RYR3: variants seen among roughly 807,000 people sequenced by gnomAD.
The protein encoded by RYR3 is ryanodine receptor 3, also known as brain ryanodine receptor-calcium release channel.
A neutral mutation model predicts 584.3 loss-of-function variants in RYR3; 207 were observed. The observed-to-expected ratio is 0.35, with a 90% CI of 0.32 to 0.40. The LOEUF is 0.40. Ranked by LOEUF, RYR3 falls within the 10% of genes least tolerant of loss-of-function variation. The probability of loss-of-function intolerance (pLI) is 1.00; values close to 1 mark genes in which losing one functional copy is unlikely to be tolerated. For missense variants in RYR3, 5,616 were observed against 6,089.2 expected (o/e 0.92, Z 2.59); for synonymous variants, 2,416 against 2,248.5 (o/e 1.07, Z -2.11).
intron 2 of RYR3, among the ~76,000 whole-genome samples, chr15:33,478,498 G>C (rs8034738): frequency 5.9e-5 from 9 of 152,176 alleles, no homozygotes; most frequent in Middle Eastern, 6.8e-3. Flanking sequence ...AATACGTATT[G>C]ATAGTCTTCC....
chr15:33,492,720 A>T (rs906529464), intron 2 of RYR3, among the ~76,000 whole-genome samples: 1 of 152,140 alleles, frequency 6.6e-6, no homozygotes, highest in Admixed American at 6.6e-5. Flanking sequence ...GTGATAAATG[A>T]TGCTGATGCC....
intron 49 of RYR3, 51 bp downstream of exon 49, chr15:33,736,376 C>A: frequency 2.3e-6 from 3 of 1,280,294 alleles, no homozygotes; most frequent in Non-Finnish European, 2.2e-6. Context: ...AGGAAACTTG[C>A]CTTGTAATAT....
At chr15:33,550,061 G>A (rs2056560666) in intron 9 of RYR3, 99 bp from the exon 10 acceptor site, 2 of 1,283,050 alleles carry the variant, frequency 1.6e-6, no homozygotes, top group Non-Finnish European at 1.1e-6. Flanking sequence ...CACCAGAAGG[G>A]TTATAAGTCT....
At chr15:33,524,486 A>G (rs1373216608) in intron 3 of RYR3, among the ~76,000 whole-genome samples, 1 of 152,130 alleles carries the variant, frequency 6.6e-6, no homozygotes, top group African/African-American at 2.4e-5. Context: ...TGCTCTTATC[A>G]CAGCTGGGTG....
At chr15:33,807,781 C>T in intron 70 of RYR3, 1 of 596,634 alleles carries the variant, frequency 1.7e-6, no homozygotes, top group Admixed American at 2.9e-5. Flanking sequence ...GGAAGCCAGC[C>T]AAGCCTCACC....
chr15:33,659,851 A>C (rs1448290874), intron 33 of RYR3, 45 bp downstream of exon 33: 2 of 1,303,354 alleles, frequency 1.5e-6, no homozygotes, highest in Non-Finnish European at 2.2e-6. Context: ...AAGAGAAAGC[A>C]GCACTAACCA....
intron 1 of RYR3, among the ~76,000 whole-genome samples, chr15:33,389,452 G>A (rs1330808634): frequency 6.6e-6 from 1 of 152,126 alleles, no homozygotes; most frequent in East Asian, 1.9e-4. Context: ...AACAGCAGCT[G>A]GCATGTGGTA....
rs144121952 is a variant in RYR3, at chr15:33,700,085, C to T, written c.6379+252C>T. ...TTGGCATAGTCGTACAGTTTTACCTCATCTCTCTTGGGACCAGTGGCCCAT... is the reference window on the plus strand; with the variant it reads ...TTGGCATAGTCGTACAGTTTTACCTTATCTCTCTTGGGACCAGTGGCCCAT... On this transcript the variant is annotated intron_variant, in intron 41 of 103. Transcript: ENST00000634891. Among the ~76,000 whole-genome samples the T allele has an allele frequency of 2.5e-4, 38 of 152,350 alleles. No homozygotes were observed. The Middle Eastern group carries it at 0.01, about 41-fold the overall frequency.
chr15:33,582,284 A>T (rs1433249569), intron 14 of RYR3, among the ~76,000 whole-genome samples: 1 of 152,208 alleles, frequency 6.6e-6, no homozygotes, highest in Non-Finnish European at 1.5e-5. Context: ...TTGCTCAGAC[A>T]CTGTGATAAG....
At chr15:33,400,216 A>G (rs1304031489) in intron 1 of RYR3, among the ~76,000 whole-genome samples, 2 of 152,172 alleles carry the variant, frequency 1.3e-5, no homozygotes, top group Non-Finnish European at 2.9e-5. Context: ...CACTATGGTC[A>G]CCATATGTAA....
intron 60 of RYR3, among the ~76,000 whole-genome samples, chr15:33,761,767 A>T (rs1049981301): frequency 6.6e-6 from 1 of 152,232 alleles, no homozygotes; most frequent in African/African-American, 2.4e-5. Flanking sequence ...GGCCAGCATT[A>T]TTCTGGTACC....
At chr15:33,682,892 T>C (rs2064728163) in intron 38 of RYR3, among the ~76,000 whole-genome samples, 1 of 152,142 alleles carries the variant, frequency 6.6e-6, no homozygotes. Flanking sequence ...TGTGTGTGTG[T>C]GTTGAAAGAG....
chr15:33,410,397 A>G, intron 1 of RYR3, among the ~76,000 whole-genome samples: 1 of 152,240 alleles, frequency 6.6e-6, no homozygotes, highest in East Asian at 1.9e-4. Context: ...GTGGAAACCA[A>G]TTATTCACTA....
In RYR3 at chr15:33,735,318, C is replaced by T. The variant is rs1243985917; in HGVS notation, c.7425-917C>T. On this transcript the variant is annotated intron_variant, in intron 48 of 103. Coordinates refer to ENST00000634891, the MANE Select transcript of RYR3 (RefSeq NM_001036.6). ...GTATTTTCACCCTGGGGCTTTTTAT[C>T]ACAAGGCCAGCTCCAGAAACAGTTG... is the stretch of plus-strand genomic sequence containing the variant. 2.0e-5 allele frequency among the ~76,000 whole-genome samples: 3 copies of T among 152,198 alleles called. No individual in the cohort carries two copies. The East Asian group carries it at 5.8e-4, about 29-fold the overall frequency.
chr15:33,462,378 A>G (rs2048109582), intron 1 of RYR3, among the ~76,000 whole-genome samples: 1 of 152,186 alleles, frequency 6.6e-6, no homozygotes. Context: ...CAAACATTAA[A>G]GGGGAAAATC....
At chr15:33,316,378 T>A (rs1018135223) in intron 1 of RYR3, among the ~76,000 whole-genome samples, 9 of 152,214 alleles carry the variant, frequency 5.9e-5, no homozygotes, top group Admixed American at 2.0e-4. Context: ...TTCTGAATGA[T>A]CTTTACCAAT....
chr15:33,461,363 G>A (rs956218603), intron 1 of RYR3, among the ~76,000 whole-genome samples: 1 of 152,148 alleles, frequency 6.6e-6, no homozygotes, highest in South Asian at 2.1e-4. Flanking sequence ...CCAGTTTCAC[G>A]GGTACTTTGT....
At chr15:33,387,395 T>G (rs995695808) in intron 1 of RYR3, among the ~76,000 whole-genome samples, 6 of 152,006 alleles carry the variant, frequency 3.9e-5, no homozygotes, top group Non-Finnish European at 7.4e-5. Flanking sequence ...TTCATTTTTT[T>G]GGGAAAATGC....
At chr15:33,738,390 T>G in intron 49 of RYR3, 60 bp from the exon 50 acceptor site, 2 of 1,528,118 alleles carry the variant, frequency 1.3e-6, no homozygotes, top group Non-Finnish European at 1.8e-6. Context: ...TGCATGTTTT[T>G]GATGCCTGTG....
Sources: gnomAD v4.1 joint callset for allele counts (sites outside exome capture counted in the v4.1 genomes callset) on GRCh38, gnomAD v4.1.1 for gene constraint, MANE v1.5 for transcripts, NCBI Gene and HGNC (gene_info 2026-07-23, HGNC 2026-07-21) for gene names.